Variants in TANK observed in about 807,000 individuals in gnomAD.
TANK encodes the protein TRAF family member associated NFKB activator.
TANK carries 15 observed loss-of-function variants against 43.6 expected under a neutral mutation model. That is an observed-to-expected ratio of 0.34 (90% CI 0.23 to 0.53). TANK has a LOEUF of 0.53. Among genes scored for constraint, TANK ranks in the 20% least tolerant of loss-of-function variants. The pLI, the probability that TANK is intolerant of heterozygous loss-of-function variation, is 0.94. For missense variants in TANK, 417 were observed against 498.6 expected (o/e 0.84, Z 1.56); for synonymous variants, 162 against 178.2 (o/e 0.91, Z 0.73).
intron 4 of TANK, chr2:161,216,392 G>T: frequency 2.1e-6 from 1 of 469,688 alleles, no homozygotes. Flanking sequence ...GCTGCAGCCT[G>T]AGACTCCTCA....
intron 4 of TANK, among the ~76,000 whole-genome samples, chr2:161,211,207 T>C (rs1352442923): frequency 6.6e-6 from 1 of 152,202 alleles, no homozygotes; most frequent in East Asian, 1.9e-4. Flanking sequence ...TGAACTCTGT[T>C]TTGCTTTCTG....
At chr2:161,156,068 G>T (rs1407736254), upstream of TANK, 5 of 983,406 alleles carry the variant, frequency 5.1e-6, no homozygotes, top group Non-Finnish European at 6.0e-6. Flanking sequence ...TATTGTATTG[G>T]TTCAAAGTAT....
intron 7 of TANK, chr2:161,232,947 T>G (rs1374802822): frequency 1.6e-6 from 2 of 1,254,280 alleles, no homozygotes; most frequent in South Asian, 1.6e-5. Context: ...TAGTTTGTTT[T>G]GAAGACCATG....
chr2:161,150,775 G>A (rs11688958), intron 1 of TANK, among the ~76,000 whole-genome samples: 1 of 151,770 alleles, frequency 6.6e-6, no homozygotes, highest in Non-Finnish European at 1.5e-5. Context: ...ATTTTTAGTA[G>A]AGCCAAGGTT....
At chr2:161,138,648 C>G (rs1453024031) in intron 1 of TANK, among the ~76,000 whole-genome samples, 1 of 152,186 alleles carries the variant, frequency 6.6e-6, no homozygotes, top group Non-Finnish European at 1.5e-5. Context: ...GGGTTGTATA[C>G]CCAGTCTAAC....
chr2:161,164,201 T>C (rs943386981), intron 1 of TANK, among the ~76,000 whole-genome samples: 2 of 152,240 alleles, frequency 1.3e-5, no homozygotes, highest in Non-Finnish European at 2.9e-5. Flanking sequence ...AAATAGACTG[T>C]TGACATAAAG....
intron 7 of TANK, among the ~76,000 whole-genome samples, chr2:161,231,837 C>T (rs959936664): frequency 6.6e-6 from 1 of 152,124 alleles, no homozygotes; most frequent in Non-Finnish European, 1.5e-5. Context: ...GTTCCTTATT[C>T]AAAGCTTGTT....
At chr2:161,225,836 T>C (rs1022085924) in intron 6 of TANK, among the ~76,000 whole-genome samples, 1 of 152,192 alleles carries the variant, frequency 6.6e-6, no homozygotes, top group African/African-American at 2.4e-5. Context: ...TTGCTACTAC[T>C]ACCATTTTAT....
At chr2:161,184,342 A>G (rs983085828) in intron 2 of TANK, among the ~76,000 whole-genome samples, 2 of 152,200 alleles carry the variant, frequency 1.3e-5, no homozygotes, top group African/African-American at 2.4e-5. Flanking sequence ...TTAAGAACCT[A>G]TTTCATACTA....
At position 161,235,633 on chromosome 2, in the gene TANK, C is replaced by A; in HGVS notation, c.*115C>A. Reference sequence around the variant, plus strand: ...TCATTTATAGGAAAATCTAGTTTCACAGCTATTTGAATTTTTTTCTGGATT... The same window carrying A: ...TCATTTATAGGAAAATCTAGTTTCAAAGCTATTTGAATTTTTTTCTGGATT... On this transcript the variant is annotated 3_prime_UTR_variant, in exon 8 of 8. Coordinates refer to ENST00000392749, the MANE Select transcript of TANK (RefSeq NM_001199135.3). The A allele has an allele frequency of 1.2e-6, 1 of 839,068 alleles. No individual in the cohort carries two copies. Among genetic ancestry groups the A allele is most frequent in the Non-Finnish European group, 1.7e-6 (1 of 588,372 alleles). The allele number at this position is 839,068 out of a possible 1,614,324, so 52.0% of individuals were successfully genotyped here. A position where few individuals can be genotyped will look rare whatever the true frequency, so the allele number is the denominator to read the frequency against.
chr2:161,150,329 C>CTTTCAT (rs1684037981), intron 1 of TANK, among the ~76,000 whole-genome samples: 1 of 152,006 alleles, frequency 6.6e-6, no homozygotes, highest in African/African-American at 2.4e-5. Flanking sequence ...AATGTCCTCA[C>CTTTCAT]TTTCATTTTT....
At chr2:161,177,993 G>A (rs1685243659) in intron 1 of TANK, among the ~76,000 whole-genome samples, 1 of 152,020 alleles carries the variant, frequency 6.6e-6, no homozygotes, top group African/African-American at 2.4e-5. Flanking sequence ...TAGGATGGCT[G>A]TAATTTTTTA....
At chr2:161,218,438 G>A (rs1687210775) in intron 4 of TANK, among the ~76,000 whole-genome samples, 1 of 152,182 alleles carries the variant, frequency 6.6e-6, no homozygotes, top group Non-Finnish European at 1.5e-5. Context: ...AAAGGCTTGT[G>A]TTCCAATCAC....
chr2:161,217,707 C>T (rs1687180315), intron 4 of TANK, among the ~76,000 whole-genome samples: 2 of 149,700 alleles, frequency 1.3e-5, no homozygotes, highest in South Asian at 4.2e-4. Flanking sequence ...AATCTGAGCT[C>T]CTAAAGTCTA....
chr2:161,206,659 A>C (rs1686667635), intron 4 of TANK, among the ~76,000 whole-genome samples: 1 of 152,126 alleles, frequency 6.6e-6, no homozygotes, highest in African/African-American at 2.4e-5. Flanking sequence ...GCTGATAAAC[A>C]CAGAAACCAT....
chr2:161,183,398 G>A (rs1325671700), intron 2 of TANK, among the ~76,000 whole-genome samples: 1 of 151,502 alleles, frequency 6.6e-6, no homozygotes, highest in Non-Finnish European at 1.5e-5. Flanking sequence ...AACTACTTTT[G>A]TAGAAAGCAA....
chr2:161,198,123 TAC>T (rs1686239754), intron 2 of TANK, among the ~76,000 whole-genome samples: 1 of 152,192 alleles, frequency 6.6e-6, no homozygotes, highest in South Asian at 2.1e-4. Flanking sequence ...TATGAAATTA[TAC>T]AGTTATATGC....
chr2:161,161,318 A>G, intron 1 of TANK: 1 of 1,550,660 alleles, frequency 6.4e-7, no homozygotes, highest in Non-Finnish European at 8.7e-7. Context: ...TAAGGGAGAG[A>G]TGGTAGTAAA....
chr2:161,194,321 GC>G (rs1193648659), intron 2 of TANK, among the ~76,000 whole-genome samples: 1 of 151,710 alleles, frequency 6.6e-6, no homozygotes, highest in Non-Finnish European at 1.5e-5. Context: ...TTCTCTTCTT[GC>G]CCCCTCTTGA....
Sources: allele counts gnomAD v4.1 joint callset (sites outside exome capture counted in the v4.1 genomes callset), GRCh38; gene constraint gnomAD v4.1.1; transcripts MANE v1.5; gene names NCBI Gene and HGNC (gene_info 2026-07-23, HGNC 2026-07-21).